Variants in HCN1 observed in about 807,000 individuals in gnomAD.
The protein encoded by HCN1 is potassium/sodium hyperpolarization-activated cyclic nucleotide-gated channel 1.
In HCN1, 13 loss-of-function variants were observed where a neutral mutation model predicts 78.9. The ratio of observed to expected loss-of-function variants is 0.16; its 90% CI spans 0.11 to 0.26. The LOEUF (loss-of-function observed/expected upper bound fraction) is 0.26. Ranked by LOEUF, HCN1 falls within the 10% of genes least tolerant of loss-of-function variation. The pLI is 1.00. For missense variants in HCN1, 810 were observed against 1,154.3 expected (o/e 0.70, Z 4.32); for synonymous variants, 552 against 455.5 (o/e 1.21, Z -2.70).
chr5:45,670,969 G>A (rs1304919957), intron 1 of HCN1, among the ~76,000 whole-genome samples: 1 of 151,122 alleles, frequency 6.6e-6, no homozygotes, highest in African/African-American at 2.4e-5. Flanking sequence ...ACAGAAAAAA[G>A]GAATAGCCCT....
chr5:45,320,779 C>G (rs1746108676), intron 5 of HCN1, among the ~76,000 whole-genome samples: 1 of 151,858 alleles, frequency 6.6e-6, no homozygotes, highest in Admixed American at 6.6e-5. Flanking sequence ...CAGGTGGCAA[C>G]TGAAGGCTAT....
intron 2 of HCN1, among the ~76,000 whole-genome samples, chr5:45,548,438 T>C (rs1743276700): frequency 6.6e-6 from 1 of 152,060 alleles, no homozygotes; most frequent in Non-Finnish European, 1.5e-5. Context: ...CTCTTATTTA[T>C]CAACAGCCCT....
intron 2 of HCN1, among the ~76,000 whole-genome samples, chr5:45,484,011 G>T (rs1341570388): frequency 1.3e-5 from 2 of 152,108 alleles, no homozygotes; most frequent in Non-Finnish European, 2.9e-5. Flanking sequence ...AACTCATTTG[G>T]TTATTGTGGC....
At chr5:45,560,465 C>T (rs1743574587) in intron 2 of HCN1, among the ~76,000 whole-genome samples, 1 of 151,910 alleles carries the variant, frequency 6.6e-6, no homozygotes, top group Admixed American at 6.6e-5. Flanking sequence ...TATAAATAGG[C>T]ATTTCATAAG....
chr5:45,541,992 C>A (rs1025517390), intron 2 of HCN1, among the ~76,000 whole-genome samples: 82 of 152,014 alleles, frequency 5.4e-4, no homozygotes, highest in African/African-American at 1.6e-3. Flanking sequence ...AAACACTGAG[C>A]AATATATGTT....
intron 6 of HCN1, among the ~76,000 whole-genome samples, chr5:45,295,994 G>C (rs948573033): frequency 6.6e-6 from 1 of 151,926 alleles, no homozygotes. Context: ...GATATTCAAA[G>C]TAATGTAAAC....
intron 5 of HCN1, among the ~76,000 whole-genome samples, chr5:45,343,686 G>A (rs1384659316): frequency 1.3e-5 from 2 of 151,962 alleles, no homozygotes; most frequent in East Asian, 3.9e-4. Context: ...GTGGGTGCAG[G>A]GGATATCATT....
intron 3 of HCN1, among the ~76,000 whole-genome samples, chr5:45,405,316 A>G (rs1021507351): frequency 6.6e-6 from 1 of 152,198 alleles, no homozygotes; most frequent in South Asian, 2.1e-4. Flanking sequence ...TGAATACACC[A>G]TAATTTTATT....
chr5:45,463,044 A>G (rs1332722070), intron 2 of HCN1, among the ~76,000 whole-genome samples: 1 of 152,066 alleles, frequency 6.6e-6, no homozygotes, highest in Non-Finnish European at 1.5e-5. Flanking sequence ...GTACTTATAA[A>G]CACAATAACT....
chr5:45,445,673 A>G (rs558161796), intron 3 of HCN1, among the ~76,000 whole-genome samples: 7 of 152,214 alleles, frequency 4.6e-5, no homozygotes, highest in African/African-American at 1.4e-4. Flanking sequence ...ATGGCCGGGT[A>G]CTCCTCTGAG....
chr5:45,638,455 A>T (rs1745395018), intron 2 of HCN1, among the ~76,000 whole-genome samples: 1 of 152,196 alleles, frequency 6.6e-6, no homozygotes, highest in Non-Finnish European at 1.5e-5. Context: ...TTCAAATCAG[A>T]TCTTATATTC....
At chr5:45,381,018 A>G (rs1431352230) in intron 4 of HCN1, among the ~76,000 whole-genome samples, 1 of 152,112 alleles carries the variant, frequency 6.6e-6, no homozygotes, top group Non-Finnish European at 1.5e-5. Context: ...CCATTGAAGG[A>G]GAGTTGTTAT....
At chr5:45,277,641 G>C (rs138378100) in intron 6 of HCN1, among the ~76,000 whole-genome samples, 1 of 152,226 alleles carries the variant, frequency 6.6e-6, no homozygotes, top group African/African-American at 2.4e-5. Context: ...CAGTATTTGT[G>C]TGTGTGTGTT....
At chr5:45,380,255 G>A (rs1579857572) in intron 4 of HCN1, among the ~76,000 whole-genome samples, 1 of 152,158 alleles carries the variant, frequency 6.6e-6, no homozygotes, top group East Asian at 1.9e-4. Flanking sequence ...AAAAAGGCCA[G>A]GCAGCTCTCT....
intron 3 of HCN1, among the ~76,000 whole-genome samples, chr5:45,419,347 T>C (rs1210250623): frequency 6.6e-6 from 1 of 151,862 alleles, no homozygotes; most frequent in East Asian, 1.9e-4. Context: ...CCTCGGAGTG[T>C]GAAGAATGAG....
chr5:45,314,148 G>T (rs1051558843), intron 5 of HCN1, among the ~76,000 whole-genome samples: 1 of 152,168 alleles, frequency 6.6e-6, no homozygotes, highest in African/African-American at 2.4e-5. Context: ...AAGCCCACCA[G>T]ACTAACAGCG....
intron 2 of HCN1, among the ~76,000 whole-genome samples, chr5:45,504,918 A>G (rs1429680755): frequency 1.4e-4 from 22 of 152,122 alleles, no homozygotes; most frequent in Non-Finnish European, 2.6e-4. Flanking sequence ...GTGTCTGTTC[A>G]TATCCTTCGC....
At chr5:45,601,172 C>T (rs1357176294) in intron 2 of HCN1, among the ~76,000 whole-genome samples, 1 of 152,062 alleles carries the variant, frequency 6.6e-6, no homozygotes, top group Non-Finnish European at 1.5e-5. Flanking sequence ...AGTAGGTGGG[C>T]ACATCTGGAT....
intron 2 of HCN1, among the ~76,000 whole-genome samples, chr5:45,550,262 G>T (rs1425265271): frequency 1.3e-5 from 2 of 152,112 alleles, no homozygotes; most frequent in African/African-American, 4.8e-5. Context: ...GTCCAACAAT[G>T]ATAGACTGGA....
Sources: allele counts gnomAD v4.1 joint callset (sites outside exome capture counted in the v4.1 genomes callset), GRCh38; gene constraint gnomAD v4.1.1; transcripts MANE v1.5; gene names NCBI Gene and HGNC (gene_info 2026-07-23, HGNC 2026-07-21).